The following SUMF2 variants were observed in gnomAD, a reference collection of about 807,000 sequenced individuals.
The protein encoded by SUMF2 is inactive C-alpha-formylglycine-generating enzyme 2.
SUMF2 carries 45 observed loss-of-function variants against 44.8 expected under a neutral mutation model. The ratio of observed to expected loss-of-function variants is 1.00; its 90% confidence interval spans 0.79 to 1.29. SUMF2 has a LOEUF of 1.29. Among genes scored for constraint, SUMF2 ranks in the 50% most tolerant of loss-of-function variants. The probability of loss-of-function intolerance (pLI) is 0.00; values close to 1 mark genes in which losing one functional copy is unlikely to be tolerated. For missense variants in SUMF2, 418 were observed against 389.9 expected, an observed-to-expected ratio of 1.07 and a Z score of -0.61; for synonymous variants, 148 against 150.4, an observed-to-expected ratio of 0.98 and a Z score of 0.12.
At chr7:56,070,109 A>G (rs187643520) in intron 2 of SUMF2, among the ~76,000 whole-genome samples, 49 of 151,850 alleles carry the variant, frequency 3.2e-4, no homozygotes, top group Non-Finnish European at 6.3e-4. Context: ...GGGTTTCTCC[A>G]TGTTGGTCAG....
the SUMF2 span, among the ~76,000 whole-genome samples, chr7:56,085,999 G>C: frequency 2.0e-5 from 3 of 149,706 alleles, no homozygotes; most frequent in African/African-American, 4.9e-5. Flanking sequence ...AAGTAAATCA[G>C]ATCATGTCAC....
Position 56,074,162 on chromosome 7 carries a change from T to C in SUMF2, c.340-12T>C. 1 of 1,613,896 alleles carries C rather than the reference T, an allele frequency of 6.2e-7. No homozygotes were observed. Among genetic ancestry groups the C allele is most frequent in the Non-Finnish European group, 8.5e-7 (1 of 1,179,882 alleles). The stretch of plus-strand genomic sequence containing the variant: ...CGGAGCATCTTGCAGTCGGTCTCCT[T>C]CTTTTTCGCAGTCTGTACTCTGGTG... On this transcript the variant is annotated splice_polypyrimidine_tract_variant and intron_variant, in intron 3 of 8. Transcript: ENST00000434526.
In SUMF2 at chr7:56,078,528, G is replaced by C. The variant is rs1021384935; in HGVS notation, c.821+20G>C. On this transcript the variant is annotated intron_variant, in intron 8 of 8. Transcript: ENST00000434526. ...CACCAGGTAAGGGGCTTGGTCCCAGGCAACACGGGGCCTTGTAGCTGGGGG... is the reference window on the plus strand; with the variant it reads ...CACCAGGTAAGGGGCTTGGTCCCAGCCAACACGGGGCCTTGTAGCTGGGGG... 2 of 1,525,946 alleles carry C rather than the reference G, an allele frequency of 1.3e-6. No individual in the cohort carries two copies. The highest frequency in any genetic ancestry group is 4.2e-5 in the Admixed American group (2 of 47,306). 94.5% of individuals were successfully genotyped at this position (1,525,946 alleles called of 1,614,324 possible).
chr7:56,074,553 C>G lies in SUMF2; in HGVS notation c.385-33C>G. The G allele has an allele frequency of 2.5e-6, 4 of 1,609,490 alleles. No homozygotes were observed. The South Asian group carries it at 4.4e-5, about 18-fold the overall frequency. ...GCCTGCCTCCGACTTAATGCGCTCC[C>G]GGAAGCCTGTCTCACTTAATCCTGG... On this transcript the variant is annotated intron_variant, in intron 4 of 8. Transcript: ENST00000434526.
At chr7:56,083,364 T>G (rs370010768), downstream of SUMF2, 71 of 1,614,042 alleles carry the variant, frequency 4.4e-5, no homozygotes, top group Non-Finnish European at 5.8e-5. Flanking sequence ...GAGAATGTTC[T>G]CGGGCTTCAG....
Position 56,079,966 on chromosome 7 carries a change from G to A in SUMF2, c.*354G>A. On this transcript the variant is annotated 3_prime_UTR_variant, in exon 9 of 9. Transcript: ENST00000434526. Reference sequence around the variant, plus strand: ...ATCTATTCTCTCCCCCTTTCTCCCTGGATGATTCAGGAAGCTGACATTGTT... The same window carrying A: ...ATCTATTCTCTCCCCCTTTCTCCCTAGATGATTCAGGAAGCTGACATTGTT... 1 of 1,151,642 alleles carries A rather than the reference G, an allele frequency of 8.7e-7. No homozygotes were observed. The highest frequency in any genetic ancestry group is 1.7e-5 in the South Asian group (1 of 59,654). 71.3% of individuals were successfully genotyped at this position (1,151,642 alleles called of 1,614,324 possible). A position where few individuals can be genotyped will look rare whatever the true frequency, so the allele number is the denominator to read the frequency against.
downstream of SUMF2, chr7:56,082,057 G>A (rs370265951): frequency 1.4e-5 from 23 of 1,611,322 alleles, no homozygotes; most frequent in Non-Finnish European, 1.7e-5. Flanking sequence ...CTGGACATGC[G>A]AGGGCCCAGG....
At chr7:56,076,761 CTTTCTGTGTTCTTTT>C in intron 5 of SUMF2, 58 bp from the exon 6 acceptor site, 1 of 1,401,092 alleles carries the variant, frequency 7.1e-7, no homozygotes, top group East Asian at 2.4e-5. Context: ...TTCCCTCACT[CTTTCTGTGTTCTTTT>C]TTCCTTCCCT....
chr7:56,068,583 G>A lies in SUMF2; in HGVS notation c.169G>A (p.Ala57Thr), dbSNP rs775006852. 3.7e-6 allele frequency: 6 copies of A among 1,613,894 alleles called. No homozygotes were observed. Among genetic ancestry groups the A allele is most frequent in the Non-Finnish European group, 5.1e-6 (6 of 1,179,982 alleles). The change falls in exon 2 of 9, where the codon GCG (alanine) becomes ACG (threonine). Residue 57 changes from alanine (A) to threonine (T), a missense_variant. Physicochemically the swap from Ala to Thr is moderately conservative, Grantham distance 58 (BLOSUM62 0). Coordinates refer to ENST00000434526, the MANE Select transcript of SUMF2 (RefSeq NM_015411.4). The part of the protein sequence containing the change: ...SRDGDGPVRE[A>T]TVKPFAIDIF... Reference sequence around the variant, plus strand: ...AGATGGTGACGGGCCTGTGCGGGAGGCGACAGTGAAACCCTTTGCCATCGA... The same window carrying A: ...AGATGGTGACGGGCCTGTGCGGGAGACGACAGTGAAACCCTTTGCCATCGA...
chr7:56,086,568 A>C, the SUMF2 span, among the ~76,000 whole-genome samples: 3 of 151,286 alleles, frequency 2.0e-5, no homozygotes, highest in Non-Finnish European at 4.4e-5. Context: ...GGCTCACTTC[A>C]ACCTCCGCCT....
In SUMF2 at chr7:56,078,396, T is replaced by C. The variant is rs1233561856; in HGVS notation, c.709T>C (p.Trp237Arg). 1 of 1,610,372 alleles carries C rather than the reference T, an allele frequency of 6.2e-7. No homozygotes were observed. The highest frequency in any genetic ancestry group is 8.5e-7 in the Non-Finnish European group (1 of 1,178,082). Reference protein sequence around the residue: ...LYDLLGNVWEWTASPYQAAEQ... With the variant: ...LYDLLGNVWERTASPYQAAEQ... ...TGACCTCCTGGGGAACGTGTGGGAGTGGACAGCATCACCGTACCAGGCTGC... is the reference window on the plus strand; with the variant it reads ...TGACCTCCTGGGGAACGTGTGGGAGCGGACAGCATCACCGTACCAGGCTGC... The change falls in exon 8 of 9, where the codon TGG (tryptophan) becomes CGG (arginine). Residue 237 changes from tryptophan to arginine, a missense_variant. Coordinates refer to ENST00000434526, the MANE Select transcript of SUMF2 (RefSeq NM_015411.4).
chr7:56,083,584 G>GA, downstream of SUMF2: 1 of 1,501,940 alleles, frequency 6.7e-7, no homozygotes, highest in South Asian at 1.2e-5. Flanking sequence ...CCTCCCCTGA[G>GA]ACCCCAGTGC....
intron 1 of SUMF2, among the ~76,000 whole-genome samples, chr7:56,067,074 G>A (rs139791613): frequency 1.3e-5 from 2 of 152,188 alleles, no homozygotes; most frequent in African/African-American, 2.4e-5. Context: ...ATAATGGTGA[G>A]AATCACTAAG....
chr7:56,085,398 CATG>C (rs1357704074), downstream of SUMF2, among the ~76,000 whole-genome samples: 3 of 152,168 alleles, frequency 2.0e-5, no homozygotes, highest in Non-Finnish European at 4.4e-5. Flanking sequence ...GTGCCTGGCC[CATG>C]ATAAGTCTGG....
intron 4 of SUMF2, 118 bp downstream of exon 4, chr7:56,074,336 G>T: frequency 8.4e-7 from 1 of 1,187,996 alleles, no homozygotes; most frequent in Non-Finnish European, 1.2e-6. Context: ...AAGGATAGGG[G>T]AATATCAGGG....
the SUMF2 span, among the ~76,000 whole-genome samples, chr7:56,085,779 A>G: frequency 6.6e-6 from 1 of 152,006 alleles, no homozygotes; most frequent in African/African-American, 2.4e-5. Context: ...AGACTGGCCA[A>G]CATGGCAAAA....
chr7:56,083,278 C>T, downstream of SUMF2: 1 of 1,613,728 alleles, frequency 6.2e-7, no homozygotes, highest in Non-Finnish European at 8.5e-7. Context: ...GTTACCAGAC[C>T]TCGCAGCCTC....
At chr7:56,087,649 T>C in the SUMF2 span, 1 of 1,614,016 alleles carries the variant, frequency 6.2e-7, no homozygotes, top group Non-Finnish European at 8.5e-7. Context: ...TCCTTCAGCG[T>C]GGCTTCTCGC....
chr7:56,071,623 A>G (rs999117295), intron 2 of SUMF2, among the ~76,000 whole-genome samples: 1 of 151,058 alleles, frequency 6.6e-6, no homozygotes, highest in Non-Finnish European at 1.5e-5. Context: ...CATCACTACT[A>G]AAAATACAAA....
Sources: allele counts gnomAD v4.1 joint callset (sites outside exome capture counted in the v4.1 genomes callset), GRCh38; gene constraint gnomAD v4.1.1; transcripts MANE v1.5; gene names NCBI Gene and HGNC (gene_info 2026-07-23, HGNC 2026-07-21).